Variants in PDXDC1 observed in about 807,000 individuals in gnomAD.
PDXDC1 encodes pyridoxal-dependent decarboxylase domain-containing protein 1.
A neutral mutation model predicts 100.1 loss-of-function variants in PDXDC1; 42 were observed. The ratio of observed to expected loss-of-function variants is 0.42; its 90% CI spans 0.33 to 0.54. PDXDC1 has a LOEUF of 0.54. Among genes scored for constraint, PDXDC1 ranks in the 20% least tolerant of loss-of-function variants. The probability of loss-of-function intolerance (pLI) is 0.10; values close to 1 mark genes in which losing one functional copy is unlikely to be tolerated. For missense variants in PDXDC1, 636 were observed against 979.2 expected (o/e 0.65, Z 4.68); for synonymous variants, 260 against 371.7 (o/e 0.70, Z 3.46).
chr16:15,004,185 A>G lies in PDXDC1; in HGVS notation c.243-2A>G, dbSNP rs769765396. 6.2e-7 allele frequency: 1 copy of G among 1,612,806 alleles called. No individual in the cohort carries two copies. The highest frequency in any genetic ancestry group is 8.5e-7 in the Non-Finnish European group (1 of 1,179,244). On this transcript the variant is annotated splice_acceptor_variant, in intron 4 of 22. Coordinates refer to ENST00000396410, the MANE Select transcript of PDXDC1 (RefSeq NM_015027.4). LOFTEE classifies it high-confidence loss of function. ...CTCTAATACTTTAATTTTGCTTAAC[A>G]GAATCCAAAATATTGGAGAACAAGG...
At chr16:15,046,281 G>T (rs1458726828) in intron 16 of PDXDC1, among the ~76,000 whole-genome samples, 1 of 152,172 alleles carries the variant, frequency 6.6e-6, no homozygotes, top group East Asian at 1.9e-4. Context: ...TAGACTCCTA[G>T]GATTAAGCCT....
At chr16:15,071,268 C>T (rs374626074) in intron 16 of PDXDC1, 206 of 1,585,852 alleles carry the variant, frequency 1.3e-4, no homozygotes, top group Middle Eastern at 4.6e-4. Context: ...AAAGAGAGGG[C>T]GTCGGTGTGA....
intron 16 of PDXDC1, chr16:15,047,693 A>G: frequency 2.3e-6 from 2 of 888,710 alleles, no homozygotes; most frequent in South Asian, 1.4e-5. Flanking sequence ...TCCCCAGCCA[A>G]CCCATTCTGA....
chr16:14,981,753 C>T (rs1968040377), intron 1 of PDXDC1, among the ~76,000 whole-genome samples: 1 of 152,294 alleles, frequency 6.6e-6, no homozygotes, highest in Admixed American at 6.5e-5. Context: ...ACATACTGCT[C>T]TCTGACTGAG....
rs1467268028 is a variant in PDXDC1 at position 15,128,185 on chromosome 16, G to A, written c.1400-10694G>A. 6.2e-6 allele frequency: 10 copies of A among 1,609,792 alleles called. No individual in the cohort carries two copies. The South Asian group carries it at 8.8e-5, about 14-fold the overall frequency. ...AGGCTCGCAGGGCGCCCCAACGCGG[G>A]GGCAGAGGGGCAGAGCTTGGCAGGG... On this transcript the variant is annotated intron_variant, in intron 16 of 16. Coordinates refer to the PDXDC1 transcript ENST00000535621.
intron 16 of PDXDC1, chr16:15,127,818 G>C (rs1221088856): frequency 3.8e-6 from 6 of 1,562,030 alleles, no homozygotes; most frequent in Admixed American, 1.9e-5. Flanking sequence ...CCCATATGGA[G>C]AGCCAGATGT....
chr16:15,039,930 T>TC, downstream of PDXDC1: 1 of 1,226,678 alleles, frequency 8.2e-7, no homozygotes, highest in South Asian at 1.3e-5. Flanking sequence ...TGATGCCTTT[T>TC]TTTTTTTAAC....
At chr16:15,076,446 G>C (rs2045457638) in intron 16 of PDXDC1, 1 of 790,204 alleles carries the variant, frequency 1.3e-6, no homozygotes, top group Non-Finnish European at 2.2e-6. Context: ...TTTCAAGTTT[G>C]CTGAACTATT....
intron 16 of PDXDC1, among the ~76,000 whole-genome samples, chr16:15,043,791 T>C (rs1052700516): frequency 3.3e-5 from 5 of 151,798 alleles, no homozygotes; most frequent in Non-Finnish European, 5.9e-5. Context: ...CTACCAAAAA[T>C]ACAAAAATTA....
intron 6 of PDXDC1, among the ~76,000 whole-genome samples, chr16:15,007,994 T>C (rs1240187970): frequency 6.6e-6 from 1 of 152,416 alleles, no homozygotes; most frequent in Admixed American, 6.5e-5. Flanking sequence ...TGAAAGGTTA[T>C]GTATTAAACT....
rs2043273040 is a variant in PDXDC1, at chr16:15,034,454, C to T, written c.1906-3C>T. 1.9e-6 allele frequency: 3 copies of T among 1,614,050 alleles called. No individual in the cohort carries two copies. On this transcript the variant is annotated splice_polypyrimidine_tract_variant and splice_region_variant and intron_variant, in intron 20 of 22. Transcript: ENST00000396410. ...GGCCCTGAACTCTGGTCCTGTCTTG[C>T]AGGGGGTGTTGCGGCAGATCCCTGT... is the stretch of plus-strand genomic sequence containing the variant.
chr16:15,038,485 G>T, downstream of PDXDC1: 1 of 763,398 alleles, frequency 1.3e-6, no homozygotes, highest in Non-Finnish European at 2.2e-6. Context: ...AGGGAAAGCA[G>T]CTATGACCTG....
chr16:15,038,098 T>G lies in PDXDC1; in HGVS notation c.*1823T>G. On this transcript the variant is annotated 3_prime_UTR_variant, in exon 23 of 23. Coordinates refer to ENST00000396410, the MANE Select transcript of PDXDC1 (RefSeq NM_015027.4). The stretch of plus-strand genomic sequence containing the variant: ...ATTTTTTTTGTAGAGTAGGGCTTTA[T>G]TTCCAGAAAACAGTGTGTGAGCTGG... The G allele has an allele frequency of 6.2e-7, 1 of 1,613,128 alleles. No individual in the cohort carries two copies. The highest frequency in any genetic ancestry group is 1.3e-5 in the African/African-American group (1 of 75,032).
At chr16:15,145,344 G>A in the PDXDC1 span, among the ~76,000 whole-genome samples, 100 of 152,372 alleles carry the variant, frequency 6.6e-4, no homozygotes, top group Admixed American at 2.0e-3. Flanking sequence ...CCAGGGCCAC[G>A]ATGCACAGTG....
chr16:15,087,409 G>A (rs1248343966), intron 16 of PDXDC1, among the ~76,000 whole-genome samples: 1 of 152,148 alleles, frequency 6.6e-6, no homozygotes, highest in Non-Finnish European at 1.5e-5. Context: ...CAAGAGGCCA[G>A]TAAAGAAGCA....
intron 16 of PDXDC1, chr16:15,127,340 G>A (rs2047791430): frequency 8.7e-6 from 6 of 687,762 alleles, no homozygotes; most frequent in Admixed American, 2.0e-5. Flanking sequence ...CAAGTGTGTT[G>A]ACCCTTCCCG....
chr16:15,033,181 C>A, intron 18 of PDXDC1, 97 bp from the exon 19 acceptor site: 3 of 1,375,080 alleles, frequency 2.2e-6, no homozygotes, highest in Non-Finnish European at 3.1e-6. Flanking sequence ...GAGGAGACCC[C>A]TTTGTGTGTG....
chr16:15,102,346 G>A (rs947334868), intron 16 of PDXDC1, among the ~76,000 whole-genome samples: 3 of 152,232 alleles, frequency 2.0e-5, no homozygotes, highest in African/African-American at 7.2e-5. Context: ...CCAATTTTAC[G>A]AGAGGGTGTA....
At chr16:15,093,351 C>A (rs866589413) in intron 16 of PDXDC1, among the ~76,000 whole-genome samples, 1 of 152,162 alleles carries the variant, frequency 6.6e-6, no homozygotes. Context: ...CAGATGTCTT[C>A]CCAATGAGAA....
Sources: allele counts gnomAD v4.1 joint callset (sites outside exome capture counted in the v4.1 genomes callset), GRCh38; gene constraint gnomAD v4.1.1; transcripts MANE v1.5; gene names NCBI Gene and HGNC (gene_info 2026-07-23, HGNC 2026-07-21).